Variants in GCN1 observed in about 807,000 individuals in gnomAD.
GCN1 encodes GCN1 activator of EIF2AK4.
In GCN1, 90 loss-of-function variants were observed where a neutral mutation model predicts 288.4. The ratio of observed to expected loss-of-function variants is 0.31; its 90% CI spans 0.26 to 0.37. The LOEUF (loss-of-function observed/expected upper bound fraction) is 0.37, where lower values mean the gene tolerates loss of function less well. Ranked by LOEUF, GCN1 falls within the 10% of genes least tolerant of loss-of-function variation. GCN1 has a pLI of 1.00. For synonymous variants in GCN1, 1,386 were observed against 1,420.2 expected (o/e 0.98, Z 0.54); for missense variants, 2,586 against 3,419.9 (o/e 0.76, Z 6.08).
chr12:120,157,080 G>T, intron 26 of GCN1, 88 bp from the exon 27 acceptor site: 1 of 810,628 alleles, frequency 1.2e-6, no homozygotes. Flanking sequence ...TCTCACCCAC[G>T]GGGGAACATT....
intron 2 of GCN1, among the ~76,000 whole-genome samples, chr12:120,186,077 T>G (rs1048244194): frequency 6.6e-6 from 1 of 151,706 alleles, no homozygotes; most frequent in African/African-American, 2.4e-5. Context: ...CTCACGCCTG[T>G]AATCCCAGCA....
chr12:120,131,927 C>A lies in GCN1; in HGVS notation c.7413G>T (p.Leu2471=). ...AGGGGAACTCTCCAGTGTACTTACCCAGCAAGCACTGCTGTAGAACGGCAC... is the reference window on the plus strand; with the variant it reads ...AGGGGAACTCTCCAGTGTACTTACCAAGCAAGCACTGCTGTAGAACGGCAC... ...ELSAVLQQCL[L]ADVSGIDWMV... Residue 2471 remains leucine, a splice_region_variant and synonymous_variant, in exon 54 of 58, where the codon CTG becomes CTT. Transcript: ENST00000300648. 1 of 1,593,340 alleles carries A rather than the reference C, an allele frequency of 6.3e-7. No homozygotes were observed. Among genetic ancestry groups the A allele is most frequent in the South Asian group, 1.1e-5 (1 of 88,670 alleles).
At chr12:120,184,949 A>G in intron 2 of GCN1, 62 bp from the exon 3 acceptor site, 1 of 1,092,196 alleles carries the variant, frequency 9.2e-7, no homozygotes, top group South Asian at 1.2e-5. Context: ...CGCTGGAGTC[A>G]GGTATTCTGC....
In GCN1 at chr12:120,142,666, G is replaced by A. The variant is rs1278821871; in HGVS notation, c.5670C>T (p.Tyr1890=). 6.2e-7 allele frequency: 1 copy of A among 1,614,096 alleles called. No homozygotes were observed. Among genetic ancestry groups the A allele is most frequent in the Non-Finnish European group, 8.5e-7 (1 of 1,180,044 alleles). The change falls in exon 44 of 58, where the codon TAC becomes TAT. Residue 1890 remains tyrosine (Y), a synonymous_variant. Coordinates refer to ENST00000300648, the MANE Select transcript of GCN1 (RefSeq NM_006836.2). The surrounding 1 kb of genome is among the most constrained non-coding windows in gnomAD (Gnocchi z 4.9). ...CCAGCTGGGTGTCTGAGCGGCCCAT[G>A]TACAGCCCTGCCAACACCCGGTTCC... The part of the protein sequence containing the change: ...ERRNRVLAGL[Y]MGRSDTQLVV...
intron 1 of GCN1, among the ~76,000 whole-genome samples, chr12:120,190,705 A>G (rs972594661): frequency 1.3e-5 from 2 of 152,172 alleles, no homozygotes; most frequent in Non-Finnish European, 2.9e-5. Context: ...TAATTCAACT[A>G]GTCAACAAAT....
intron 34 of GCN1, among the ~76,000 whole-genome samples, chr12:120,150,306 C>A (rs1229850660): frequency 6.6e-6 from 1 of 152,144 alleles, no homozygotes; most frequent in Non-Finnish European, 1.5e-5. Context: ...GTTAAAAAAG[C>A]CAAACCTTGG....
intron 14 of GCN1, among the ~76,000 whole-genome samples, chr12:120,172,938 T>A (rs1328218065): frequency 6.6e-6 from 1 of 152,146 alleles, no homozygotes; most frequent in Non-Finnish European, 1.5e-5. Context: ...GATTTGAAAG[T>A]TTCCCCCAGC....
chr12:120,149,728 G>A lies in GCN1; in HGVS notation c.4432-8C>T, dbSNP rs377633588. The A allele has an allele frequency of 4.3e-6, 7 of 1,610,100 alleles. No homozygotes were observed. The highest frequency in any genetic ancestry group is 1.6e-4 in the Middle Eastern group (1 of 6,076). On this transcript the variant is annotated splice_region_variant and splice_polypyrimidine_tract_variant and intron_variant, in intron 35 of 57. Coordinates refer to ENST00000300648, the MANE Select transcript of GCN1 (RefSeq NM_006836.2). ...GGCACAGTCATCTGCAGCCTCAAGG[G>A]GGGAGAAAACACATTCAGGGGCCTC... is the stretch of plus-strand genomic sequence containing the variant.
In GCN1 at chr12:120,155,585, C is replaced by A. The variant is rs368479026; in HGVS notation, c.3440+7G>T. On this transcript the variant is annotated splice_region_variant and intron_variant, in intron 29 of 57. Transcript: ENST00000300648. This position sits in a 1 kb window ranked among gnomAD's most constrained non-coding sequence, Gnocchi z 4.9. Reference sequence around the variant, plus strand: ...AGCAGGAGAAAGCGACATGCTGGCTCTCTCACCTCTCAGCCAGCTTCCGGA... The same window carrying A: ...AGCAGGAGAAAGCGACATGCTGGCTATCTCACCTCTCAGCCAGCTTCCGGA... The A allele has an allele frequency of 1.2e-6, 2 of 1,613,888 alleles. No homozygotes were observed. Among genetic ancestry groups the A allele is most frequent in the Non-Finnish European group, 1.7e-6 (2 of 1,179,790 alleles).
chr12:120,167,587 G>A (rs1878174923), intron 16 of GCN1, among the ~76,000 whole-genome samples: 1 of 152,062 alleles, frequency 6.6e-6, no homozygotes, highest in Non-Finnish European at 1.5e-5. Context: ...GATCAAAGCA[G>A]GGGTATAATT....
chr12:120,184,075 T>C (rs377629725), intron 4 of GCN1, 37 bp downstream of exon 4: 3 of 1,589,758 alleles, frequency 1.9e-6, no homozygotes, highest in African/African-American at 1.3e-5. Context: ...AGCAGGACTG[T>C]ACCAATTCTC....
At chr12:120,177,992 CAGCT>C (rs756499721) in intron 7 of GCN1, among the ~76,000 whole-genome samples, 2 of 152,156 alleles carry the variant, frequency 1.3e-5, no homozygotes, top group Non-Finnish European at 2.9e-5. Context: ...GCCCACCACT[CAGCT>C]GGCTGCGTCT....
chr12:120,142,669 C>G lies in GCN1; in HGVS notation c.5667G>C (p.Leu1889=), dbSNP rs1441617887. 6.2e-7 allele frequency: 1 copy of G among 1,614,100 alleles called. No individual in the cohort carries two copies. Among genetic ancestry groups the G allele is most frequent in the Non-Finnish European group, 8.5e-7 (1 of 1,180,044 alleles). Residue 1889 remains leucine (L), a synonymous_variant, in exon 44 of 58, where the codon CTG becomes CTC. Transcript: ENST00000300648. The surrounding 1 kb of genome is among the most constrained non-coding windows in gnomAD (Gnocchi z 4.9). The part of the protein sequence containing the change: ...VERRNRVLAG[L]YMGRSDTQLV... The stretch of plus-strand genomic sequence containing the variant: ...GCTGGGTGTCTGAGCGGCCCATGTA[C>G]AGCCCTGCCAACACCCGGTTCCGCC...
chr12:120,149,876 C>G, intron 35 of GCN1, 46 bp downstream of exon 35: 1 of 1,611,766 alleles, frequency 6.2e-7, no homozygotes. Context: ...GGGAACACAT[C>G]TCATAAAGTT....
Position 120,151,600 on chromosome 12 carries a change from G to A in GCN1, c.4063-209C>T, listed in dbSNP as rs925181622. ...AGGGTGCACACTACAATCTGCTGAC[G>A]ACAAAAGCTTTGGCCCATATGGTGC... is the stretch of plus-strand genomic sequence containing the variant. On this transcript the variant is annotated intron_variant, in intron 33 of 57. Transcript: ENST00000300648. 4.6e-5 allele frequency among the ~76,000 whole-genome samples: 7 copies of A among 152,340 alleles called. No homozygotes were observed. The East Asian group carries it at 1.2e-3, about 25-fold the overall frequency.
chr12:120,180,208 G>GGCAGGAGAATTGCTTGAAC (rs1233662924), intron 5 of GCN1, among the ~76,000 whole-genome samples: 2 of 152,088 alleles, frequency 1.3e-5, no homozygotes, highest in Non-Finnish European at 2.9e-5. Flanking sequence ...GGGAGGCTGA[G>GGCAGGAGAATTGCTTGAAC]GCAGGAGAAT....
chr12:120,162,791 G>A (rs1229776713), intron 20 of GCN1, 56 bp downstream of exon 20: 4 of 1,580,322 alleles, frequency 2.5e-6, no homozygotes, highest in Non-Finnish European at 3.5e-6. Flanking sequence ...CCTGTACACT[G>A]TGATGAGAGG....
chr12:120,165,002 T>C (rs113248231), intron 16 of GCN1, among the ~76,000 whole-genome samples: 5,955 of 136,848 alleles, frequency 0.044, 272 homozygotes, highest in African/African-American at 0.11. Context: ...TACACATATA[T>C]ACACACACAC....
rs1488498011 is a variant in GCN1, at chr12:120,137,947, A to G, written c.6347T>C (p.Val2116Ala). 3.1e-6 allele frequency: 5 copies of G among 1,613,954 alleles called. No individual in the cohort carries two copies. In the African/African-American group the frequency reaches 4.0e-5, roughly 13 times the overall value. ...TRHLGVILPAVMLALKEKLGT... is the reference protein window; with the variant it reads ...TRHLGVILPAAMLALKEKLGT... ...AAGCTTTTCCTTCAGGGCCAGCATG[A>G]CCGCTGGGAGGATCACGCCAAGATG... is the stretch of plus-strand genomic sequence containing the variant. Residue 2116 changes from valine to alanine, a missense_variant, in exon 48 of 58, where the codon GTC (valine) becomes GCC (alanine). Val to Ala is a moderately conservative substitution (Grantham distance 64). Around this residue, in one of 8 missense-constraint regions of GCN1, gnomAD observed 437 missense variants for 570.5 expected, o/e 0.77. Coordinates refer to ENST00000300648, the MANE Select transcript of GCN1 (RefSeq NM_006836.2). The surrounding 1 kb of genome is among the most constrained non-coding windows in gnomAD (Gnocchi z 5.2).
Sources: allele counts gnomAD v4.1 joint callset (sites outside exome capture counted in the v4.1 genomes callset), GRCh38; gene constraint gnomAD v4.1.1; regional missense constraint gnomAD v4.1.1; non-coding constraint Gnocchi (gnomAD v3.1); transcripts MANE v1.5; gene names NCBI Gene and HGNC (gene_info 2026-07-23, HGNC 2026-07-21).